The following FLNB variants were observed in gnomAD, a reference collection of about 807,000 sequenced individuals.
FLNB encodes filamin-B.
A neutral mutation model predicts 250.6 loss-of-function variants in FLNB; 111 were observed. That is an observed-to-expected ratio of 0.44 (90% CI 0.38 to 0.52). The LOEUF is 0.52. Among genes scored for constraint, FLNB ranks in the 20% least tolerant of loss-of-function variants. The probability of loss-of-function intolerance (pLI) is 0.00; values close to 1 mark genes in which losing one functional copy is unlikely to be tolerated. For synonymous variants in FLNB, 1,302 were observed against 1,372.1 expected, an observed-to-expected ratio of 0.95 and a Z score of 1.13; for missense variants, 2,869 against 3,447.8, an observed-to-expected ratio of 0.83 and a Z score of 4.20.
At chr3:58,037,058 CTTTT>C (rs549716136) in intron 1 of FLNB, among the ~76,000 whole-genome samples, 15 of 103,608 alleles carry the variant, frequency 1.4e-4, no homozygotes, top group Middle Eastern at 5.6e-3. Flanking sequence ...ACATTAGAGT[CTTTT>C]TTTTTTTTTT....
At chr3:58,040,048 G>C (rs2097143853) in intron 1 of FLNB, among the ~76,000 whole-genome samples, 1 of 152,172 alleles carries the variant, frequency 6.6e-6, no homozygotes, top group Non-Finnish European at 1.5e-5. Flanking sequence ...GGGAGGCTGA[G>C]GCAGGAGAAT....
rs2097260484 is a variant in FLNB at position 58,106,811 on chromosome 3, A to G, written c.1879A>G (p.Ile627Val). The change falls in exon 12 of 46, where the codon ATC becomes GTC. Residue 627 changes from isoleucine (I) to valine (V), a missense_variant. Ile to Val is a conservative substitution (Grantham distance 29, BLOSUM62 3). Coordinates refer to ENST00000295956, the MANE Select transcript of FLNB (RefSeq NM_001457.4). ...TCACATCATGTGTGACGACGAAGAC[A>G]TCAAGGACAGCCCGTACATGGCCTT... is the stretch of plus-strand genomic sequence containing the variant. ...AVHIMCDDED[I>V]KDSPYMAFIH... 1 of 1,614,194 alleles carries G rather than the reference A, an allele frequency of 6.2e-7. No individual in the cohort carries two copies. The highest frequency in any genetic ancestry group is 1.1e-5 in the South Asian group (1 of 91,088).
chr3:58,152,092 G>A (rs1344493397), intron 38 of FLNB, among the ~76,000 whole-genome samples: 1 of 152,210 alleles, frequency 6.6e-6, no homozygotes, highest in African/African-American at 2.4e-5. Flanking sequence ...AGTATCTGCA[G>A]TGTGGACGTT....
chr3:58,099,820 A>T (rs2097246392), intron 8 of FLNB, among the ~76,000 whole-genome samples: 1 of 152,134 alleles, frequency 6.6e-6, no homozygotes, highest in African/African-American at 2.4e-5. Flanking sequence ...GTGTGATTTT[A>T]GGAAACTCTG....
intron 41 of FLNB, among the ~76,000 whole-genome samples, chr3:58,156,341 A>G (rs886299893): frequency 6.6e-6 from 1 of 152,208 alleles, no homozygotes; most frequent in African/African-American, 2.4e-5. Flanking sequence ...TTAAAGGTTT[A>G]TTTAAGAGAA....
At chr3:58,104,866 T>C (rs979106949) in intron 10 of FLNB, among the ~76,000 whole-genome samples, 1 of 152,204 alleles carries the variant, frequency 6.6e-6, no homozygotes, top group African/African-American at 2.4e-5. Flanking sequence ...AGTGGCCACC[T>C]GAGCTCCCAG....
At chr3:58,046,162 T>C (rs1175816468) in intron 1 of FLNB, among the ~76,000 whole-genome samples, 2 of 151,962 alleles carry the variant, frequency 1.3e-5, no homozygotes, top group African/African-American at 4.8e-5. Context: ...ACACAGTGAG[T>C]TGTGGTAGCT....
rs984017977 is a variant in FLNB, at chr3:58,081,697, G to T, written c.708G>T (p.Gln236His). Residue 236 changes from glutamine (Q) to histidine (H), a missense_variant, in exon 4 of 46, where the codon CAG becomes CAT. Coordinates refer to ENST00000295956, the MANE Select transcript of FLNB (RefSeq NM_001457.4). ...ACTCAGTTATGACTTACCTGTCCCA[G>T]TTCCCCAAAGCCAAGCTCAAGCCGG... ...DEHSVMTYLS[Q>H]FPKAKLKPGA... 1.2e-6 allele frequency: 2 copies of T among 1,614,064 alleles called. No homozygotes were observed. Among genetic ancestry groups the T allele is most frequent in the Non-Finnish European group, 1.7e-6 (2 of 1,180,008 alleles).
rs773831477 is a variant in FLNB, at chr3:58,109,662, T to A, written c.2286T>A (p.Pro762=). 3 of 1,614,130 alleles carry A rather than the reference T, an allele frequency of 1.9e-6. No individual in the cohort carries two copies. In the East Asian group the frequency reaches 6.7e-5, roughly 36 times the overall value. The change falls in exon 15 of 46, where the codon CCT becomes CCA. Residue 762 remains proline (P), a synonymous_variant. Coordinates refer to ENST00000295956, the MANE Select transcript of FLNB (RefSeq NM_001457.4). ...VERSGLKANE[P]THFTVDCTEA... ...GAAGTGGTCTGAAGGCAAATGAACC[T>A]ACACACTTCACGGTGGACTGTACTG...
chr3:58,061,323 C>G (rs1177804547), intron 1 of FLNB, among the ~76,000 whole-genome samples: 1 of 152,156 alleles, frequency 6.6e-6, no homozygotes, highest in Non-Finnish European at 1.5e-5. Context: ...TTGATTTTCC[C>G]ACGTTAGTAC....
intron 20 of FLNB, 67 bp downstream of exon 20, chr3:58,121,570 T>C (rs1344486579): frequency 1.3e-6 from 2 of 1,587,344 alleles, no homozygotes; most frequent in African/African-American, 2.7e-5. Flanking sequence ...AGTCCTTCTC[T>C]GGTTCTTCCT....
chr3:58,106,643 A>G (rs1204906570), intron 11 of FLNB, 37 bp from the exon 12 acceptor site: 9 of 1,597,582 alleles, frequency 5.6e-6, no homozygotes, highest in Admixed American at 1.7e-5. Context: ...GCTTTCCACC[A>G]TATAACCAGG....
chr3:58,065,672 A>C (rs1012744854), intron 1 of FLNB, among the ~76,000 whole-genome samples: 5 of 152,194 alleles, frequency 3.3e-5, no homozygotes, highest in Non-Finnish European at 5.9e-5. Context: ...AGAGATGTTT[A>C]GGAGTCTTTC....
intron 1 of FLNB, among the ~76,000 whole-genome samples, chr3:58,043,171 G>A (rs1315596549): frequency 3.4e-5 from 4 of 117,894 alleles, no homozygotes; most frequent in African/African-American, 1.4e-4. Context: ...TTTTGAGACA[G>A]AGTTTCACTC....
At chr3:58,078,133 G>T (rs1418189535) in intron 2 of FLNB, 2 of 317,524 alleles carry the variant, frequency 6.3e-6, no homozygotes, top group African/African-American at 4.5e-5. Flanking sequence ...GAGCCTATAA[G>T]TTGGTGTCAT....
chr3:58,084,593 T>A (rs942365296), intron 4 of FLNB, among the ~76,000 whole-genome samples: 1 of 152,226 alleles, frequency 6.6e-6, no homozygotes, highest in African/African-American at 2.4e-5. Context: ...CTTTTTGCAT[T>A]TTTTTAATTG....
At chr3:58,041,521 C>T (rs926697787) in intron 1 of FLNB, among the ~76,000 whole-genome samples, 1 of 152,152 alleles carries the variant, frequency 6.6e-6, no homozygotes, top group Non-Finnish European at 1.5e-5. Context: ...CGACCCTCCC[C>T]ACCAACCACC....
rs544138399 is a variant in FLNB, at chr3:58,103,997, G to A, written c.1522G>A (p.Asp508Asn). The A allele has an allele frequency of 6.2e-7, 1 of 1,613,988 alleles. No homozygotes were observed. Among genetic ancestry groups the A allele is most frequent in the Admixed American group, 1.7e-5 (1 of 60,014 alleles). Residue 508 changes from aspartate (D) to asparagine (N), a missense_variant, in exon 10 of 46, where the codon GAT (aspartate) becomes AAT (asparagine). Around this residue, in one of 5 missense-constraint regions of FLNB, gnomAD observed 1,348 missense variants for 1,466.7 expected, o/e 0.92. Transcript: ENST00000295956. ...GCTGGTGAAGCAGAAAGACTTTCTGGATGGGGTCTACGCATTCGAGTATTA... is the reference window on the plus strand; with the variant it reads ...GCTGGTGAAGCAGAAAGACTTTCTGAATGGGGTCTACGCATTCGAGTATTA... Reference protein sequence around the residue: ...EELVKQKDFLDGVYAFEYYPS... With the variant: ...EELVKQKDFLNGVYAFEYYPS...
chr3:58,167,424 C>T (rs185559200), intron 43 of FLNB, among the ~76,000 whole-genome samples: 1 of 152,232 alleles, frequency 6.6e-6, no homozygotes, highest in Non-Finnish European at 1.5e-5. Context: ...AACAATAATT[C>T]TTTCTCTGGA....
Sources: gnomAD v4.1 joint callset for allele counts (sites outside exome capture counted in the v4.1 genomes callset) on GRCh38, gnomAD v4.1.1 for gene constraint, gnomAD v4.1.1 regional missense constraint, MANE v1.5 for transcripts, NCBI Gene and HGNC (gene_info 2026-07-23, HGNC 2026-07-21) for gene names.